Variants in FARS2 observed in about 807,000 individuals in gnomAD.
FARS2 encodes phenylalanine--tRNA ligase, mitochondrial.
In FARS2, 40 loss-of-function variants were observed where a neutral mutation model predicts 46.4. The ratio of observed to expected loss-of-function variants is 0.86; its 90% CI spans 0.67 to 1.12. The LOEUF is 1.12. Ranked by LOEUF, FARS2 falls within the 50% of genes most tolerant of loss-of-function variation. The pLI, the probability that FARS2 is intolerant of heterozygous loss-of-function variation, is 0.00. For missense variants in FARS2, 513 were observed against 567.9 expected (o/e 0.90, Z 0.98); for synonymous variants, 234 against 214.9 (o/e 1.09, Z -0.78).
At chr6:5,483,844 G>A (rs1766620113) in intron 4 of FARS2, among the ~76,000 whole-genome samples, 1 of 152,040 alleles carries the variant, frequency 6.6e-6, no homozygotes, top group Non-Finnish European at 1.5e-5. Context: ...GTGGATAGAA[G>A]GTATAGCTGT....
chr6:5,455,314 T>C (rs568714251), intron 4 of FARS2, among the ~76,000 whole-genome samples: 17 of 152,324 alleles, frequency 1.1e-4, no homozygotes, highest in South Asian at 8.3e-4. Context: ...ATATACACTT[T>C]TATTGCCAAG....
intron 6 of FARS2, among the ~76,000 whole-genome samples, chr6:5,667,303 A>G (rs1561787296): frequency 6.6e-6 from 1 of 152,188 alleles, no homozygotes; most frequent in African/African-American, 2.4e-5. Context: ...GCAGATCACA[A>G]GGTCAGGAGT....
intron 2 of FARS2, among the ~76,000 whole-genome samples, chr6:5,399,902 G>A (rs1761151450): frequency 6.6e-6 from 1 of 152,200 alleles, no homozygotes; most frequent in Middle Eastern, 3.4e-3. Flanking sequence ...AAAAAATATG[G>A]TGCAGTTACA....
chr6:5,469,484 C>G (rs57512148), intron 4 of FARS2, among the ~76,000 whole-genome samples: 3,596 of 152,290 alleles, frequency 0.024, 155 homozygotes, highest in African/African-American at 0.083. Flanking sequence ...TCTCCCACTG[C>G]AGCATGTCAT....
At chr6:5,531,270 C>T (rs542944141) in intron 4 of FARS2, among the ~76,000 whole-genome samples, 1 of 152,294 alleles carries the variant, frequency 6.6e-6, no homozygotes, top group African/African-American at 2.4e-5. Context: ...TGGTGCATCA[C>T]TGTCCAAACT....
intron 6 of FARS2, among the ~76,000 whole-genome samples, chr6:5,702,720 T>G (rs1377108264): frequency 1.3e-5 from 2 of 152,212 alleles, no homozygotes; most frequent in Non-Finnish European, 2.9e-5. Flanking sequence ...GGCAGCAAAA[T>G]AATACTCATC....
intron 3 of FARS2, among the ~76,000 whole-genome samples, chr6:5,410,149 G>GTTTTTTTTTT (rs1171325752): frequency 4.1e-5 from 5 of 120,578 alleles, no homozygotes; most frequent in African/African-American, 3.5e-5. Context: ...TCGTTTTTGT[G>GTTTTTTTTTT]TTTTTTTGTT....
intron 1 of FARS2, among the ~76,000 whole-genome samples, chr6:5,276,970 C>T (rs1012776763): frequency 6.6e-6 from 1 of 152,328 alleles, no homozygotes; most frequent in African/African-American, 2.4e-5. Context: ...AGTGCAGGCT[C>T]AGTATCTCCT....
intron 4 of FARS2, among the ~76,000 whole-genome samples, chr6:5,493,668 G>T (rs373000820): frequency 9.8e-5 from 15 of 152,302 alleles, no homozygotes; most frequent in African/African-American, 3.6e-4. Context: ...TTTATAAAAT[G>T]GGAGCAGTAG....
intron 5 of FARS2, among the ~76,000 whole-genome samples, chr6:5,601,876 A>G (rs1191296138): frequency 6.6e-6 from 1 of 152,210 alleles, no homozygotes. Context: ...AAAGAGAACA[A>G]GTGCCATAAA....
chr6:5,578,225 T>G (rs1030675756), intron 5 of FARS2, among the ~76,000 whole-genome samples: 2 of 152,188 alleles, frequency 1.3e-5, no homozygotes, highest in African/African-American at 4.8e-5. Flanking sequence ...CAGCACCTGT[T>G]TGGTGCTGGT....
At chr6:5,610,438 AAC>A (rs1485618426) in intron 5 of FARS2, among the ~76,000 whole-genome samples, 2 of 152,228 alleles carry the variant, frequency 1.3e-5, no homozygotes, top group Admixed American at 6.5e-5. Flanking sequence ...TTGGGGGAAA[AAC>A]AATTTAAAAA....
chr6:5,629,179 CT>C (rs1445720282), intron 6 of FARS2, among the ~76,000 whole-genome samples: 1 of 152,096 alleles, frequency 6.6e-6, no homozygotes, highest in East Asian at 1.9e-4. Flanking sequence ...TATTTATGGT[CT>C]GAGATATAAA....
intron 5 of FARS2, among the ~76,000 whole-genome samples, chr6:5,559,243 G>A (rs1163041470): frequency 2.6e-5 from 4 of 151,904 alleles, no homozygotes; most frequent in Admixed American, 2.6e-4. Flanking sequence ...TCTTTACAGA[G>A]CAAATAAAAA....
chr6:5,250,060 A>G, the FARS2 span, among the ~76,000 whole-genome samples: 3 of 152,212 alleles, frequency 2.0e-5, no homozygotes, highest in Non-Finnish European at 4.4e-5. Context: ...TAATTTAGAG[A>G]TACTTTAAGA....
intron 6 of FARS2, among the ~76,000 whole-genome samples, chr6:5,647,403 A>C (rs1777133355): frequency 6.6e-6 from 1 of 152,192 alleles, no homozygotes; most frequent in African/African-American, 2.4e-5. Flanking sequence ...AATTTAACAT[A>C]ATCAGCCATG....
intron 4 of FARS2, among the ~76,000 whole-genome samples, chr6:5,432,334 A>T (rs1277670503): frequency 5.7e-4 from 34 of 59,342 alleles, no homozygotes; most frequent in Non-Finnish European, 2.9e-4. Context: ...AAAAATATAT[A>T]TATATATATA....
At chr6:5,688,180 A>C (rs1241867299) in intron 6 of FARS2, among the ~76,000 whole-genome samples, 1 of 152,190 alleles carries the variant, frequency 6.6e-6, no homozygotes, top group Non-Finnish European at 1.5e-5. Flanking sequence ...TTCCTAATTG[A>C]ATACACTTTA....
At chr6:5,430,325 A>G (rs1213518021) in intron 3 of FARS2, among the ~76,000 whole-genome samples, 1 of 152,064 alleles carries the variant, frequency 6.6e-6, no homozygotes, top group Admixed American at 6.5e-5. Flanking sequence ...GCAGGCTTTA[A>G]TTGTTTTGAA....
Sources: gnomAD v4.1 joint callset for allele counts (sites outside exome capture counted in the v4.1 genomes callset) on GRCh38, gnomAD v4.1.1 for gene constraint, MANE v1.5 for transcripts, NCBI Gene and HGNC (gene_info 2026-07-23, HGNC 2026-07-21) for gene names.